HOXA5: variants seen among roughly 807,000 people sequenced by gnomAD.
The protein encoded by HOXA5 is homeobox protein Hox-A5.
In HOXA5, 12 loss-of-function variants were observed where a neutral mutation model predicts 20.0. That is an observed-to-expected ratio of 0.60 (90% confidence interval 0.38 to 0.97). HOXA5 has a LOEUF of 0.97. HOXA5 is among the 50% of genes least tolerant of loss of function. The pLI is 0.00. For missense variants in HOXA5, 352 were observed against 380.3 expected (o/e 0.93, Z 0.62); for synonymous variants, 159 against 157.7 (o/e 1.01, Z -0.06).
Position 27,143,163 on chromosome 7 carries a change from C to T in HOXA5, c.445G>A (p.Ala149Thr). 1 of 1,610,062 alleles carries T rather than the reference C, an allele frequency of 6.2e-7. No homozygotes were observed. The highest frequency in any genetic ancestry group is 8.5e-7 in the Non-Finnish European group (1 of 1,178,728). Residue 149 changes from alanine to threonine, a missense_variant, in exon 1 of 2, where the codon GCC (alanine) becomes ACC (threonine). Coordinates refer to ENST00000222726, the MANE Select transcript of HOXA5 (RefSeq NM_019102.4). Reference sequence around the variant, plus strand: ...CTGCTGGCAGGGGCGTCCTCCTCGGCTCCGGACGCCGTGCCAACCCCCTCT... The same window carrying T: ...CTGCTGGCAGGGGCGTCCTCCTCGGTTCCGGACGCCGTGCCAACCCCCTCT... ...SREGVGTASG[A>T]EEDAPASSEQ...
chr7:27,143,021 G>T, intron 1 of HOXA5, 25 bp downstream of exon 1: 1 of 1,496,456 alleles, frequency 6.7e-7, no homozygotes, highest in Non-Finnish European at 8.9e-7. Context: ...GCGGTCGCGT[G>T]GATTTAGAAA....
In HOXA5 at chr7:27,143,633, T is replaced by C; in HGVS notation, c.-26A>G. 3 of 1,567,222 alleles carry C rather than the reference T, an allele frequency of 1.9e-6. No homozygotes were observed. The highest frequency in any genetic ancestry group is 2.6e-6 in the Non-Finnish European group (3 of 1,155,100). ...TTGTTTTTTGATATGTGTGCTTGAT[T>C]TGTGGCTCGCGGTCGTTTGTGCGTC... On this transcript the variant is annotated 5_prime_UTR_variant, in exon 1 of 2. Coordinates refer to ENST00000222726, the MANE Select transcript of HOXA5 (RefSeq NM_019102.4).
Position 27,143,150 on chromosome 7 carries a change from G to A in HOXA5, c.458C>T (p.Ala153Val), listed in dbSNP as rs760731020. The A allele has an allele frequency of 5.6e-6, 9 of 1,609,528 alleles. No individual in the cohort carries two copies. In the East Asian group the frequency reaches 9.0e-5, roughly 16 times the overall value. The change falls in exon 1 of 2, where the codon GCC becomes GTC. Residue 153 changes from alanine (A) to valine (V), a missense_variant. This residue lies in a region of HOXA5 where 319 missense variants were observed against 336.5 expected (regional missense o/e 0.95). Coordinates refer to ENST00000222726, the MANE Select transcript of HOXA5 (RefSeq NM_019102.4). ...ACTCGCCTGCTCGCTGCTGGCAGGG[G>A]CGTCCTCCTCGGCTCCGGACGCCGT... ...VGTASGAEED[A>V]PASSEQASAQ... is the part of the protein sequence containing the mutation.
chr7:27,142,792 T>C, intron 1 of HOXA5: 1 of 425,750 alleles, frequency 2.3e-6, no homozygotes, highest in South Asian at 7.1e-5. Flanking sequence ...TCCAGAGGGG[T>C]TTTTTGCTTC....
At position 27,142,302 on chromosome 7, in the gene HOXA5, G is replaced by A. The variant is rs1046733831; in HGVS notation, c.563-217C>T. Among the ~76,000 whole-genome samples the A allele has an allele frequency of 3.3e-5, 5 of 152,208 alleles. No individual in the cohort carries two copies. The South Asian group carries it at 1.0e-3, about 31-fold the overall frequency. Reference sequence around the variant, plus strand: ...GAACAATCTGCCCATCTGAGGCTGGGGCCGTGTCCCGGCGGACTCCGGCTT... The same window carrying A: ...GAACAATCTGCCCATCTGAGGCTGGAGCCGTGTCCCGGCGGACTCCGGCTT... On this transcript the variant is annotated intron_variant, in intron 1 of 1. Transcript: ENST00000222726.
rs1782572366 is a variant in HOXA5 at position 27,141,638 on chromosome 7, A to G, written c.*197T>C. On this transcript the variant is annotated 3_prime_UTR_variant, in exon 2 of 2. Transcript: ENST00000222726. ...TTCAAGACAAAGCCATTCAGGACAA[A>G]GAGATGAACAGAAAGCAGATCTACT... is the stretch of plus-strand genomic sequence containing the variant. The G allele has an allele frequency of 8.8e-6, 5 of 569,626 alleles. No individual in the cohort carries two copies. The highest frequency in any genetic ancestry group is 4.7e-4 in the Middle Eastern group (1 of 2,134). The allele number at this position is 569,626 out of a possible 1,614,324, so 35.3% of individuals were successfully genotyped here.
At chr7:27,142,967 A>C in intron 1 of HOXA5, 79 bp downstream of exon 1, 1 of 1,285,166 alleles carries the variant, frequency 7.8e-7, no homozygotes, top group Non-Finnish European at 1.1e-6. Context: ...AGAGACTGGG[A>C]GAGGGCGGCA....
In HOXA5 at chr7:27,141,543, CT is replaced by C; in HGVS notation, c.*291del. 2 of 242,120 alleles carry C rather than the reference CT, an allele frequency of 8.3e-6. No individual in the cohort carries two copies. Among genetic ancestry groups the C allele is most frequent in the East Asian group, 9.1e-5 (1 of 10,952 alleles). The allele number at this position is 242,120 out of a possible 1,614,324, so 15.0% of individuals were successfully genotyped here. A position where few individuals can be genotyped will look rare whatever the true frequency, so the allele number is the denominator to read the frequency against. The stretch of plus-strand genomic sequence containing the variant: ...TTTTGTGTGTTTTTTTTTCTCTTTT[CT>C]TTTTTTGTTATAGTTACTTCAAGTA... On this transcript the variant is annotated 3_prime_UTR_variant, in exon 2 of 2. Coordinates refer to ENST00000222726, the MANE Select transcript of HOXA5 (RefSeq NM_019102.4).
At chr7:27,142,127 T>G in intron 1 of HOXA5, 42 bp from the exon 2 acceptor site, 1 of 1,593,672 alleles carries the variant, frequency 6.3e-7, no homozygotes, top group Non-Finnish European at 8.5e-7. Context: ...AACTCCTGTC[T>G]TCCAAAGTCC....
rs764672756 is a variant in HOXA5 at position 27,143,600 on chromosome 7, G to C, written c.8C>G (p.Ser3Cys). The change falls in exon 1 of 2, where the codon TCT (serine) becomes TGT (cysteine). Residue 3 changes from serine to cysteine, a missense_variant. Physicochemically the swap from Ser to Cys is moderately radical, Grantham distance 112. Around this residue, in one of 3 missense-constraint regions of HOXA5, gnomAD observed 319 missense variants for 336.5 expected, o/e 0.95. Transcript: ENST00000222726. ...ACCGCAAAATGAGTTTACAAAATAA[G>C]AGCTCATTTGTTTTTTGATATGTGT... The part of the protein sequence containing the change: MS[S>C]YFVNSFCGRY... 6.3e-7 allele frequency: 1 copy of C among 1,594,214 alleles called. No homozygotes were observed. Among genetic ancestry groups the C allele is most frequent in the South Asian group, 1.1e-5 (1 of 89,174 alleles).
chr7:27,143,230 G>A lies in HOXA5; in HGVS notation c.378C>T (p.Ser126=). Residue 126 remains serine (S), a synonymous_variant, in exon 1 of 2, where the codon AGC becomes AGT. Coordinates refer to ENST00000222726, the MANE Select transcript of HOXA5 (RefSeq NM_019102.4). ...TGCTGCCGGCGTCGGCCGAGGCGCC[G>A]CTGGAGTTGCTTAGGGAGTTTTTCC... ...HGGKNSLSNS[S]GASADAGSTH... 6.2e-7 allele frequency: 1 copy of A among 1,609,414 alleles called. No homozygotes were observed. The highest frequency in any genetic ancestry group is 2.2e-5 in the East Asian group (1 of 44,804).
chr7:27,143,271 C>A lies in HOXA5; in HGVS notation c.337G>T (p.Asp113Tyr), dbSNP rs201542016. Residue 113 changes from aspartate (D) to tyrosine (Y), a missense_variant, in exon 1 of 2, where the codon GAC becomes TAC. By Grantham distance (160) the Asp-to-Tyr change is radical (BLOSUM62 -3). Coordinates refer to ENST00000222726, the MANE Select transcript of HOXA5 (RefSeq NM_019102.4). ...GAGTTTTTCCCGCCGTGGTGGCTGTCGCTGCCGGGCGAGGGGGCCACGGCG... is the reference window on the plus strand; with the variant it reads ...GAGTTTTTCCCGCCGTGGTGGCTGTAGCTGCCGGGCGAGGGGGCCACGGCG... ...CSAVAPSPGS[D>Y]SHHGGKNSLS... 3 of 1,606,054 alleles carry A rather than the reference C, an allele frequency of 1.9e-6. No homozygotes were observed. Among genetic ancestry groups the A allele is most frequent in the African/African-American group, 2.7e-5 (2 of 74,878 alleles).
chr7:27,143,576 C>G lies in HOXA5; in HGVS notation c.32G>C (p.Gly11Ala). The change falls in exon 1 of 2, where the codon GGT (glycine) becomes GCT (alanine). Residue 11 changes from glycine (G) to alanine (A), a missense_variant. Physicochemically the swap from Gly to Ala is moderately conservative, Grantham distance 60. Around this residue, in one of 3 missense-constraint regions of HOXA5, gnomAD observed 319 missense variants for 336.5 expected, o/e 0.95. Coordinates refer to ENST00000222726, the MANE Select transcript of HOXA5 (RefSeq NM_019102.4). MSSYFVNSFC[G>A]RYPNGPDYQL... ...GTAGTCCGGGCCATTTGGATAGCGA[C>G]CGCAAAATGAGTTTACAAAATAAGA... 4 of 1,600,612 alleles carry G rather than the reference C, an allele frequency of 2.5e-6. No individual in the cohort carries two copies. Among genetic ancestry groups the G allele is most frequent in the Non-Finnish European group, 3.4e-6 (4 of 1,173,218 alleles).
Position 27,141,790 on chromosome 7 carries a change from C to G in HOXA5, c.*45G>C, listed in dbSNP as rs555485879. The G allele has an allele frequency of 9.4e-6, 15 of 1,597,086 alleles. No individual in the cohort carries two copies. The highest frequency in any genetic ancestry group is 2.3e-5 in the South Asian group (2 of 88,002). On this transcript the variant is annotated 3_prime_UTR_variant, in exon 2 of 2. Transcript: ENST00000222726. ...GAAAGTCACCTTAGTACTGACACTA[C>G]GCGGGATCCGCTAATACTGCTCAGT... is the stretch of plus-strand genomic sequence containing the variant.
At chr7:27,142,290 A>C (rs1217599123) in intron 1 of HOXA5, among the ~76,000 whole-genome samples, 1 of 152,116 alleles carries the variant, frequency 6.6e-6, no homozygotes. Flanking sequence ...CAATCTGCCC[A>C]TCTGAGGCTG....
intron 1 of HOXA5, chr7:27,142,792 T>A: frequency 2.3e-6 from 1 of 425,750 alleles, no homozygotes; most frequent in South Asian, 7.1e-5. Context: ...TCCAGAGGGG[T>A]TTTTTGCTTC....
At chr7:27,142,887 A>G in intron 1 of HOXA5, 159 bp downstream of exon 1, 1 of 651,058 alleles carries the variant, frequency 1.5e-6, no homozygotes. Flanking sequence ...AAAGAAGAGG[A>G]GGAAGGAGGA....
Position 27,143,174 on chromosome 7 carries a change from G to C in HOXA5, c.434C>G (p.Thr145Arg). 2 of 1,610,918 alleles carry C rather than the reference G, an allele frequency of 1.2e-6. No individual in the cohort carries two copies. The highest frequency in any genetic ancestry group is 1.7e-6 in the Non-Finnish European group (2 of 1,179,100). The part of the protein sequence containing the change: ...THISSREGVG[T>R]ASGAEEDAPA... ...GGCGTCCTCCTCGGCTCCGGACGCC[G>C]TGCCAACCCCCTCTCTGCTGCTGAT... is the stretch of plus-strand genomic sequence containing the variant. Residue 145 changes from threonine (T) to arginine (R), a missense_variant, in exon 1 of 2, where the codon ACG (threonine) becomes AGG (arginine). Coordinates refer to ENST00000222726, the MANE Select transcript of HOXA5 (RefSeq NM_019102.4).
chr7:27,143,278 G>A lies in HOXA5; in HGVS notation c.330C>T (p.Pro110=), dbSNP rs750737620. 6.2e-7 allele frequency: 1 copy of A among 1,605,008 alleles called. No homozygotes were observed. Among genetic ancestry groups the A allele is most frequent in the Non-Finnish European group, 8.5e-7 (1 of 1,177,904 alleles). ...PLPCSAVAPS[P]GSDSHHGGKN... is the part of the protein sequence containing the mutation. ...TCCCGCCGTGGTGGCTGTCGCTGCCGGGCGAGGGGGCCACGGCGGAGCAGG... is the reference window on the plus strand; with the variant it reads ...TCCCGCCGTGGTGGCTGTCGCTGCCAGGCGAGGGGGCCACGGCGGAGCAGG... The change falls in exon 1 of 2, where the codon CCC becomes CCT. Residue 110 remains proline, a synonymous_variant. Coordinates refer to ENST00000222726, the MANE Select transcript of HOXA5 (RefSeq NM_019102.4).
Sources: allele counts gnomAD v4.1 joint callset (sites outside exome capture counted in the v4.1 genomes callset), GRCh38; gene constraint gnomAD v4.1.1; regional missense constraint gnomAD v4.1.1; transcripts MANE v1.5; gene names NCBI Gene and HGNC (gene_info 2026-07-23, HGNC 2026-07-21).